The following HSF2BP variants were observed in gnomAD, a reference collection of about 807,000 sequenced individuals.
HSF2BP encodes heat shock factor 2-binding protein.
HSF2BP carries 35 observed loss-of-function variants against 35.0 expected under a neutral mutation model. The observed-to-expected ratio is 1.00, with a 90% CI of 0.76 to 1.32. The LOEUF (loss-of-function observed/expected upper bound fraction) is 1.32, where lower values mean the gene tolerates loss of function less well. Among genes scored for constraint, HSF2BP ranks in the 40% most tolerant of loss-of-function variants. The probability of loss-of-function intolerance (pLI) is 0.00; values close to 1 mark genes in which losing one functional copy is unlikely to be tolerated. For missense variants in HSF2BP, 326 were observed against 321.7 expected (o/e 1.01, Z -0.10); for synonymous variants, 114 against 117.4 (o/e 0.97, Z 0.18).
At chr21:43,614,389 A>G (rs1360931765) in intron 6 of HSF2BP, among the ~76,000 whole-genome samples, 1 of 152,018 alleles carries the variant, frequency 6.6e-6, no homozygotes, top group Non-Finnish European at 1.5e-5. Context: ...AATTATCAAC[A>G]AAAATGACAG....
At position 43,645,486 on chromosome 21, in the gene HSF2BP, C is replaced by T. The variant is rs138338296; in HGVS notation, c.188-1094G>A. ...TGACCAGCAACAGCAAACAAGGGAA[C>T]CCATCCACAGGAATGTGAAAAAGCA... On this transcript the variant is annotated intron_variant, in intron 3 of 8. Transcript: ENST00000291560. Among the ~76,000 whole-genome samples, 754 of 152,252 alleles carry T rather than the reference C, an allele frequency of 5.0e-3. 2 individuals carry two copies. The highest frequency in any genetic ancestry group is 6.6e-3 in the Non-Finnish European group (452 of 68,024).
chr21:43,584,995 A>ATTAATTATTTATTTATTTATTTAT (rs1555856714), intron 8 of HSF2BP, among the ~76,000 whole-genome samples: 6 of 151,482 alleles, frequency 4.0e-5, no homozygotes, highest in African/African-American at 1.5e-4. Flanking sequence ...ATTTTATTTA[A>ATTAATTATTTATTTATTTATTTAT]TTATTTATTT....
At chr21:43,634,114 A>G (rs930802278) in intron 4 of HSF2BP, among the ~76,000 whole-genome samples, 3 of 152,334 alleles carry the variant, frequency 2.0e-5, no homozygotes, top group East Asian at 1.9e-4. Context: ...GCCCTGGTGC[A>G]GCAAGCCAGT....
chr21:43,626,637 A>G (rs770696456), intron 6 of HSF2BP, among the ~76,000 whole-genome samples: 2 of 152,206 alleles, frequency 1.3e-5, no homozygotes, highest in Non-Finnish European at 1.5e-5. Flanking sequence ...GTCTCTGCCT[A>G]TATCAGTGAT....
At chr21:43,586,808 A>T (rs1013238444) in intron 8 of HSF2BP, among the ~76,000 whole-genome samples, 27 of 146,834 alleles carry the variant, frequency 1.8e-4, no homozygotes, top group African/African-American at 5.0e-4. Flanking sequence ...CCTCGATCTT[A>T]TTTTTTTTTT....
chr21:43,628,721 G>A (rs950608297), intron 6 of HSF2BP, among the ~76,000 whole-genome samples: 7 of 152,204 alleles, frequency 4.6e-5, no homozygotes, highest in African/African-American at 9.7e-5. Context: ...GACTTTCACC[G>A]CTAGAGAAAA....
At chr21:43,631,253 G>A (rs955526673) in intron 5 of HSF2BP, among the ~76,000 whole-genome samples, 2 of 152,090 alleles carry the variant, frequency 1.3e-5, no homozygotes, top group Non-Finnish European at 2.9e-5. Context: ...ATTTCTCACT[G>A]GTTTCCTGCC....
chr21:43,648,763 G>A (rs17004594), intron 3 of HSF2BP, among the ~76,000 whole-genome samples: 6,252 of 152,274 alleles, frequency 0.041, 438 homozygotes, highest in African/African-American at 0.14. Context: ...GGGGTACCCC[G>A]TATCAAACTC....
chr21:43,641,079 G>T (rs113314559), intron 4 of HSF2BP, among the ~76,000 whole-genome samples: 3,776 of 152,114 alleles, frequency 0.025, 49 homozygotes, highest in Middle Eastern at 0.065. Flanking sequence ...TGCAAGCTCC[G>T]CCTCCCAGGT....
intron 6 of HSF2BP, among the ~76,000 whole-genome samples, chr21:43,628,597 T>C (rs980743348): frequency 1.3e-5 from 2 of 152,236 alleles, no homozygotes; most frequent in African/African-American, 2.4e-5. Context: ...ATGGAGAAGC[T>C]GCAGCAAGTT....
intron 6 of HSF2BP, among the ~76,000 whole-genome samples, chr21:43,627,152 G>A (rs943548090): frequency 7.9e-5 from 12 of 152,144 alleles, no homozygotes; most frequent in African/African-American, 1.7e-4. Flanking sequence ...GATTACAGGC[G>A]TAAGCCACCA....
chr21:43,614,786 A>G (rs1427401296), intron 6 of HSF2BP, among the ~76,000 whole-genome samples: 1 of 152,244 alleles, frequency 6.6e-6, no homozygotes, highest in African/African-American at 2.4e-5. Context: ...AGTATTCCAA[A>G]ATCCAAAACA....
chr21:43,614,066 C>G, intron 6 of HSF2BP, 119 bp from the exon 7 acceptor site: 1 of 732,180 alleles, frequency 1.4e-6, no homozygotes, highest in Non-Finnish European at 2.3e-6. Context: ...GAAAATGAGG[C>G]ATTTATAAAT....
chr21:43,634,103 T>C (rs2082520740), intron 4 of HSF2BP, among the ~76,000 whole-genome samples: 1 of 152,206 alleles, frequency 6.6e-6, no homozygotes, highest in Non-Finnish European at 1.5e-5. Flanking sequence ...GTCCTATTCA[T>C]GCCCTGGTGC....
chr21:43,574,752 G>A (rs956994282), intron 8 of HSF2BP, among the ~76,000 whole-genome samples: 2 of 152,066 alleles, frequency 1.3e-5, no homozygotes, highest in Admixed American at 6.5e-5. Context: ...ACACAGGGCC[G>A]CCCTCCATGG....
At chr21:43,658,739 C>A (rs1195025817) in intron 1 of HSF2BP, among the ~76,000 whole-genome samples, 1 of 152,248 alleles carries the variant, frequency 6.6e-6, no homozygotes, top group Non-Finnish European at 1.5e-5. Context: ...TGGAAGCGCG[C>A]GTGCTCGCCA....
At chr21:43,604,661 A>ACAT (rs2082103268) in intron 7 of HSF2BP, among the ~76,000 whole-genome samples, 1 of 140,384 alleles carries the variant, frequency 7.1e-6, no homozygotes, top group African/African-American at 2.8e-5. Flanking sequence ...CACACACCAC[A>ACAT]CACACACACC....
chr21:43,639,657 G>A (rs2082609811), intron 4 of HSF2BP, among the ~76,000 whole-genome samples: 1 of 151,754 alleles, frequency 6.6e-6, no homozygotes, highest in Non-Finnish European at 1.5e-5. Flanking sequence ...AGGACATGGA[G>A]AAAGTGAATC....
intron 3 of HSF2BP, among the ~76,000 whole-genome samples, chr21:43,655,821 C>G (rs2082859905): frequency 6.6e-6 from 1 of 152,190 alleles, no homozygotes; most frequent in South Asian, 2.1e-4. Flanking sequence ...CTGGATGTGG[C>G]TGGCCCACTG....
Sources: gnomAD v4.1 joint callset for allele counts (sites outside exome capture counted in the v4.1 genomes callset) on GRCh38, gnomAD v4.1.1 for gene constraint, MANE v1.5 for transcripts, NCBI Gene and HGNC (gene_info 2026-07-23, HGNC 2026-07-21) for gene names.